Variants in IL1RAPL1 observed in about 807,000 individuals in gnomAD.
The protein encoded by IL1RAPL1 is interleukin-1 receptor accessory protein-like 1.
In IL1RAPL1, 3 loss-of-function variants were observed where a neutral mutation model predicts 48.4. The ratio of observed to expected loss-of-function variants is 0.06; its 90% CI spans 0.03 to 0.16. The LOEUF (loss-of-function observed/expected upper bound fraction) is 0.16, where lower values mean the gene tolerates loss of function less well. IL1RAPL1 is among the 10% of genes least tolerant of loss of function. The pLI, the probability that IL1RAPL1 is intolerant of heterozygous loss-of-function variation, is 1.00. For missense variants in IL1RAPL1, 349 were observed against 530.6 expected, an observed-to-expected ratio of 0.66 and a Z score of 3.36; for synonymous variants, 185 against 187.7, an observed-to-expected ratio of 0.99 and a Z score of 0.12.
intron 3 of IL1RAPL1, among the ~76,000 whole-genome samples, chrX:29,348,174 G>A (rs1439073068): frequency 8.9e-6 from 1 of 111,977 alleles, no homozygotes; most frequent in South Asian, 3.7e-4. Flanking sequence ...TTAAAACAAA[G>A]TGGTATAAAG....
intron 5 of IL1RAPL1, among the ~76,000 whole-genome samples, chrX:29,485,953 A>C (rs777928911): frequency 5.4e-5 from 6 of 111,323 alleles, no homozygotes; most frequent in Admixed American, 1.9e-4. Flanking sequence ...TTAAAGTTTG[A>C]GAAGCGCAGC....
intron 3 of IL1RAPL1, among the ~76,000 whole-genome samples, chrX:29,310,329 T>C (rs932356771): frequency 1.0e-5 from 1 of 96,189 alleles, no homozygotes; most frequent in Admixed American, 1.0e-4. Flanking sequence ...TTTTCTCTTA[T>C]ATTAGTTGGT....
At chrX:28,723,186 A>C (rs1263390376) in intron 1 of IL1RAPL1, among the ~76,000 whole-genome samples, 3 of 110,846 alleles carry the variant, frequency 2.7e-5, no homozygotes, top group Non-Finnish European at 5.7e-5. Flanking sequence ...TCCTCCTTGT[A>C]CCTCTGGTAG....
At chrX:29,785,809 C>G (rs1929482034) in intron 6 of IL1RAPL1, among the ~76,000 whole-genome samples, 1 of 111,377 alleles carries the variant, frequency 9.0e-6, no homozygotes, top group South Asian at 3.8e-4. Flanking sequence ...CATAGAAGTA[C>G]ATACACATTA....
chrX:29,236,252 G>T (rs891960395), intron 2 of IL1RAPL1, among the ~76,000 whole-genome samples: 2 of 112,042 alleles, frequency 1.8e-5, no homozygotes, highest in Non-Finnish European at 3.8e-5. Flanking sequence ...TCAGTTCACA[G>T]ACTTAAAAGT....
At chrX:28,666,496 A>G (rs980124761) in intron 1 of IL1RAPL1, among the ~76,000 whole-genome samples, 3 of 112,049 alleles carry the variant, frequency 2.7e-5, no homozygotes, top group Non-Finnish European at 5.6e-5. Context: ...AAATATTAAT[A>G]TAAAGATAAA....
In IL1RAPL1 at chrX:29,399,315, A is replaced by G. The variant is rs1933958869; in HGVS notation, c.703+7A>G. 1 of 1,187,818 alleles carries G rather than the reference A, an allele frequency of 8.4e-7. No homozygotes were observed. Among genetic ancestry groups the G allele is most frequent in the Non-Finnish European group, 1.1e-6 (1 of 873,938 alleles). On this transcript the variant is annotated splice_region_variant and intron_variant, in intron 5 of 10. Transcript: ENST00000378993. ...ACTGAATTAACTGTTACAGGTAATC[A>G]CAGTCTTCAATATTTCACTTGCAAG...
intron 6 of IL1RAPL1, among the ~76,000 whole-genome samples, chrX:29,772,744 C>T (rs1362332079): frequency 8.9e-6 from 1 of 111,872 alleles, no homozygotes; most frequent in Non-Finnish European, 1.9e-5. Context: ...TGATTAGTTT[C>T]CCCTCCTCTT....
At chrX:29,884,714 T>G (rs148152778) in intron 6 of IL1RAPL1, among the ~76,000 whole-genome samples, 230 of 111,339 alleles carry the variant, frequency 2.1e-3, no homozygotes, top group African/African-American at 7.2e-3. Context: ...CAAAATCGAG[T>G]TCCTGATCTT....
intron 6 of IL1RAPL1, among the ~76,000 whole-genome samples, chrX:29,814,637 C>T (rs1220818797): frequency 1.8e-5 from 2 of 111,579 alleles, no homozygotes; most frequent in Non-Finnish European, 3.8e-5. Flanking sequence ...GAGGACTTAG[C>T]CAAAAATTCT....
intron 7 of IL1RAPL1, among the ~76,000 whole-genome samples, chrX:29,919,514 A>G (rs981403602): frequency 1.8e-4 from 20 of 112,598 alleles, no homozygotes; most frequent in Non-Finnish European, 3.6e-4. Flanking sequence ...CAGACTGAAC[A>G]TTTCAACTGA....
At chrX:28,818,816 C>T (rs939414833) in intron 2 of IL1RAPL1, among the ~76,000 whole-genome samples, 3 of 111,055 alleles carry the variant, frequency 2.7e-5, no homozygotes, top group Non-Finnish European at 5.7e-5. Context: ...TTCAGTATGA[C>T]CTCTAGCTTC....
At chrX:29,593,354 C>T (rs1043065712) in intron 5 of IL1RAPL1, among the ~76,000 whole-genome samples, 54 of 111,824 alleles carry the variant, frequency 4.8e-4, no homozygotes, top group African/African-American at 1.4e-3. Context: ...CCCTAATGGC[C>T]GAATCCACTT....
At chrX:28,709,430 C>G (rs1935414688) in intron 1 of IL1RAPL1, among the ~76,000 whole-genome samples, 1 of 111,470 alleles carries the variant, frequency 9.0e-6, no homozygotes, top group South Asian at 3.7e-4. Flanking sequence ...AATAGTGGAG[C>G]AGGAATTTAA....
intron 6 of IL1RAPL1, among the ~76,000 whole-genome samples, chrX:29,913,471 T>A (rs1932776357): frequency 9.5e-6 from 1 of 105,219 alleles, no homozygotes; most frequent in Admixed American, 1.0e-4. Context: ...GAGAGAAAAA[T>A]ATATATATTT....
intron 2 of IL1RAPL1, among the ~76,000 whole-genome samples, chrX:29,196,160 G>C (rs1319665164): frequency 8.9e-6 from 1 of 111,910 alleles, no homozygotes; most frequent in Non-Finnish European, 1.9e-5. Context: ...AATAGAGATT[G>C]CAGATGTATT....
At chrX:29,865,554 G>A (rs1931670509) in intron 6 of IL1RAPL1, among the ~76,000 whole-genome samples, 1 of 109,477 alleles carries the variant, frequency 9.1e-6, no homozygotes, top group Non-Finnish European at 1.9e-5. Flanking sequence ...GAATAATGTT[G>A]CTCACAAAAT....
intron 5 of IL1RAPL1, among the ~76,000 whole-genome samples, chrX:29,578,584 T>G (rs1365747199): frequency 8.9e-6 from 1 of 111,780 alleles, no homozygotes; most frequent in Non-Finnish European, 1.9e-5. Flanking sequence ...GCTAGGGAGA[T>G]GATAATCAAA....
At chrX:29,807,851 A>T (rs1233086216) in intron 6 of IL1RAPL1, among the ~76,000 whole-genome samples, 1 of 111,329 alleles carries the variant, frequency 9.0e-6, no homozygotes, top group Non-Finnish European at 1.9e-5. Flanking sequence ...ATGATTATGC[A>T]ATTAAATAAA....
Sources: allele counts gnomAD v4.1 joint callset (sites outside exome capture counted in the v4.1 genomes callset), GRCh38; gene constraint gnomAD v4.1.1; transcripts MANE v1.5; gene names NCBI Gene and HGNC (gene_info 2026-07-23, HGNC 2026-07-21).